ABCG4: variants seen among roughly 807,000 people sequenced by gnomAD.
ABCG4 encodes the protein ATP binding cassette subfamily G member 4, also known as ATP-binding cassette sub-family G member 4.
In ABCG4, 35 loss-of-function variants were observed where a neutral mutation model predicts 64.6. That is an observed-to-expected ratio of 0.54 (90% CI 0.41 to 0.72). The LOEUF (loss-of-function observed/expected upper bound fraction) is 0.72. Among genes scored for constraint, ABCG4 ranks in the 30% least tolerant of loss-of-function variants. The pLI is 0.00. For synonymous variants in ABCG4, 326 were observed against 348.2 expected (o/e 0.94, Z 0.71); for missense variants, 610 against 846.3 (o/e 0.72, Z 3.46).
Position 119,154,018 on chromosome 11 carries a change from C to T in ABCG4, c.239-8C>T. 1 of 1,613,218 alleles carries T rather than the reference C, an allele frequency of 6.2e-7. No individual in the cohort carries two copies. The highest frequency in any genetic ancestry group is 1.1e-5 in the South Asian group (1 of 91,048). On this transcript the variant is annotated splice_polypyrimidine_tract_variant and splice_region_variant and intron_variant, in intron 2 of 14. Coordinates refer to ENST00000619701, the MANE Select transcript of ABCG4 (RefSeq NM_022169.5). This position sits in a 1 kb window ranked among gnomAD's most constrained non-coding sequence, Gnocchi z 7.0. ...CCTGACTAAAAATTCCTCCCCACCT[C>T]ACTGCAGGTTATAAGACCCTTCTCA...
Position 119,150,435 on chromosome 11 carries a change from T to G in ABCG4, c.238+232T>G, listed in dbSNP as rs1260950738. On this transcript the variant is annotated intron_variant, in intron 2 of 14. Transcript: ENST00000619701. This position sits in a 1 kb window ranked among gnomAD's most constrained non-coding sequence, Gnocchi z 4.3. ...ACTAGGTGCAATTGGTTATTGAAGC[T>G]GTATCTTCTAAAGAGATCCCGTGAC... Among the ~76,000 whole-genome samples, 1 of 152,224 alleles carries G rather than the reference T, an allele frequency of 6.6e-6. No individual in the cohort carries two copies. Among genetic ancestry groups the G allele is most frequent in the Non-Finnish European group, 1.5e-5 (1 of 68,032 alleles).
intron 9 of ABCG4, among the ~76,000 whole-genome samples, chr11:119,157,691 C>A (rs1948283683): frequency 8.2e-6 from 1 of 121,470 alleles, no homozygotes; most frequent in Admixed American, 7.7e-5. Context: ...CACGGTGAAA[C>A]CCCATCTCTA....
rs758367938 is a variant in ABCG4 at position 119,160,861 on chromosome 11, T to G, written c.1716-20T>G. 23 of 1,609,174 alleles carry G rather than the reference T, an allele frequency of 1.4e-5. No homozygotes were observed. In the East Asian group the frequency reaches 4.9e-4, roughly 34 times the overall value. The stretch of plus-strand genomic sequence containing the variant: ...GGGACCCTGTGTGCTGTATCCCATC[T>G]GATATCCCTGCCTGCCTAGGTATGG... On this transcript the variant is annotated intron_variant, in intron 14 of 14. Transcript: ENST00000619701. This position sits in a 1 kb window ranked among gnomAD's most constrained non-coding sequence, Gnocchi z 4.6.
Position 119,156,223 on chromosome 11 carries a change from T to G in ABCG4, c.687-106T>G. On this transcript the variant is annotated intron_variant, in intron 6 of 14. Coordinates refer to ENST00000619701, the MANE Select transcript of ABCG4 (RefSeq NM_022169.5). The surrounding 1 kb of genome is among the most constrained non-coding windows in gnomAD (Gnocchi z 5.5). Reference sequence around the variant, plus strand: ...ATACAGATGCGGCCAGAGTGCCCTCTTCCTGCCAGCTTCATCCCCTTCACA... The same window carrying G: ...ATACAGATGCGGCCAGAGTGCCCTCGTCCTGCCAGCTTCATCCCCTTCACA... 4 of 1,505,412 alleles carry G rather than the reference T, an allele frequency of 2.7e-6. No homozygotes were observed. Among genetic ancestry groups the G allele is most frequent in the Non-Finnish European group, 2.7e-6 (3 of 1,098,806 alleles). 93.3% of individuals were successfully genotyped at this position (1,505,412 alleles called of 1,614,324 possible). A position where few individuals can be genotyped will look rare whatever the true frequency, so the allele number is the denominator to read the frequency against.
chr11:119,157,448 C>T (rs1357728589), intron 9 of ABCG4, among the ~76,000 whole-genome samples: 2 of 152,230 alleles, frequency 1.3e-5, no homozygotes, highest in African/African-American at 4.8e-5. Context: ...GTACAGCAGG[C>T]GTCTGCCCAG....
chr11:119,160,499 C>T lies in ABCG4; in HGVS notation c.1597-39C>T. 1 of 1,607,930 alleles carries T rather than the reference C, an allele frequency of 6.2e-7. No individual in the cohort carries two copies. On this transcript the variant is annotated intron_variant, in intron 13 of 14. Coordinates refer to ENST00000619701, the MANE Select transcript of ABCG4 (RefSeq NM_022169.5). This position sits in a 1 kb window ranked among gnomAD's most constrained non-coding sequence, Gnocchi z 4.6. ...CTAGGAAACCTGGGTTTGTCCTGGT[C>T]ACCCCTATGATGGCCTGGCCCCCTC... is the stretch of plus-strand genomic sequence containing the variant.
Position 119,156,333 on chromosome 11 carries a change from C to G in ABCG4, c.691C>G (p.Leu231Val), listed in dbSNP as rs773566111. The G allele has an allele frequency of 1.9e-6, 3 of 1,614,206 alleles. No individual in the cohort carries two copies. The highest frequency in any genetic ancestry group is 2.5e-6 in the Non-Finnish European group (3 of 1,180,044). ...TGGTGGCCTCTCTCTGGACAGTGGT[C>G]TGGATAGCGCCTCTTGTTTCCAAGT... ...VMFFDEPTSG[L>V]DSASCFQVVS... The change falls in exon 7 of 15, where the codon CTG (leucine) becomes GTG (valine). Residue 231 changes from leucine (L) to valine (V), a missense_variant. Transcript: ENST00000619701. This position sits in a 1 kb window ranked among gnomAD's most constrained non-coding sequence, Gnocchi z 5.5.
rs773931620 is a variant in ABCG4 at position 119,158,575 on chromosome 11, T to TTC, written c.1187_1188dup (p.Met397SerfsTer53). On this transcript the variant is annotated frameshift_variant, in exon 11 of 15. Coordinates refer to ENST00000619701, the MANE Select transcript of ABCG4 (RefSeq NM_022169.5). LOFTEE classifies it high-confidence loss of function. This position sits in a 1 kb window ranked among gnomAD's most constrained non-coding sequence, Gnocchi z 4.5. ...TCCCAAGGTCCTGACCCACCTACGG[T>TTC]TCATGTCCCACGTGGTTATTGGCGT... 2 of 1,614,178 alleles carry TTC rather than the reference T, an allele frequency of 1.2e-6. No homozygotes were observed. Among genetic ancestry groups the TTC allele is most frequent in the South Asian group, 2.2e-5 (2 of 91,078 alleles).
rs563451663 is a variant in ABCG4, at chr11:119,159,752, T to C, written c.1438-475T>C. Among the ~76,000 whole-genome samples the C allele has an allele frequency of 2.0e-5, 3 of 152,130 alleles. No individual in the cohort carries two copies. The East Asian group carries it at 5.8e-4, about 30-fold the overall frequency. ...CCTCAGGGTGGACACCGTCACAGGA[T>C]GCTTGGCTTAATAAGAAGAGCACAA... On this transcript the variant is annotated intron_variant, in intron 12 of 14. Coordinates refer to ENST00000619701, the MANE Select transcript of ABCG4 (RefSeq NM_022169.5).
In ABCG4 at chr11:119,158,167, T is replaced by G; in HGVS notation, c.1069-67T>G. 9 of 1,317,496 alleles carry G rather than the reference T, an allele frequency of 6.8e-6. No individual in the cohort carries two copies. Among genetic ancestry groups the G allele is most frequent in the Non-Finnish European group, 9.4e-6 (9 of 953,898 alleles). 81.6% of individuals were successfully genotyped at this position (1,317,496 alleles called of 1,614,324 possible). A position where few individuals can be genotyped will look rare whatever the true frequency, so the allele number is the denominator to read the frequency against. On this transcript the variant is annotated intron_variant, in intron 9 of 14. Transcript: ENST00000619701. This position sits in a 1 kb window ranked among gnomAD's most constrained non-coding sequence, Gnocchi z 4.5. ...AAGAGCTCTGAGGTTTTTCATTCAC[T>G]GAGCTGGGTGTTCTGTGGGTGAATG...
At position 119,156,491 on chromosome 11, in the gene ABCG4, T is replaced by C. The variant is rs1481921569; in HGVS notation, c.810+39T>C. The C allele has an allele frequency of 2.5e-6, 4 of 1,614,100 alleles. No individual in the cohort carries two copies. Among genetic ancestry groups the C allele is most frequent in the East Asian group, 2.2e-5 (1 of 44,878 alleles). ...GGCCTCAAGGAGGATTGGCCTGAGATGGAGGGATGGAAGGGGGTCAGTAGG... is the reference window on the plus strand; with the variant it reads ...GGCCTCAAGGAGGATTGGCCTGAGACGGAGGGATGGAAGGGGGTCAGTAGG... On this transcript the variant is annotated intron_variant, in intron 7 of 14. Transcript: ENST00000619701. This position sits in a 1 kb window ranked among gnomAD's most constrained non-coding sequence, Gnocchi z 5.5.
rs1353616525 is a variant in ABCG4, at chr11:119,154,435, G to T, written c.489+43G>T. 2 of 1,614,120 alleles carry T rather than the reference G, an allele frequency of 1.2e-6. No homozygotes were observed. The highest frequency in any genetic ancestry group is 1.7e-6 in the Non-Finnish European group (2 of 1,180,014). ...ACCCCTCCTCCCAGCAACCCCCTCT[G>T]TCTGCTGTCGCCACCTTCACCATTG... On this transcript the variant is annotated intron_variant, in intron 4 of 14. Transcript: ENST00000619701. This position sits in a 1 kb window ranked among gnomAD's most constrained non-coding sequence, Gnocchi z 7.0.
In ABCG4 at chr11:119,161,089, G is replaced by A; in HGVS notation, c.1924G>A (p.Val642Ile). Residue 642 changes from valine (V) to isoleucine (I), a missense_variant, in exon 15 of 15, where the codon GTC becomes ATC. Val to Ile is a conservative substitution (Grantham distance 29). Transcript: ENST00000619701. Reference sequence around the variant, plus strand: ...GGCCTACCTTGTGCTGCGTTACCGGGTCAAGTCAGAGAGATAGAGGCTTGC... The same window carrying A: ...GGCCTACCTTGTGCTGCGTTACCGGATCAAGTCAGAGAGATAGAGGCTTGC... ...LLAYLVLRYR[V>I]KSER 3 of 1,613,632 alleles carry A rather than the reference G, an allele frequency of 1.9e-6. No individual in the cohort carries two copies. The highest frequency in any genetic ancestry group is 1.1e-5 in the South Asian group (1 of 91,064).
intron 2 of ABCG4, chr11:119,153,755 C>T (rs1592303677): frequency 2.0e-5 from 9 of 441,984 alleles, no homozygotes; most frequent in South Asian, 1.1e-4. Flanking sequence ...CCCCTCTCCA[C>T]GCCCATCCAT....
At position 119,156,412 on chromosome 11, in the gene ABCG4, T is replaced by C. The variant is rs1948264496; in HGVS notation, c.770T>C (p.Ile257Thr). 2 of 1,614,116 alleles carry C rather than the reference T, an allele frequency of 1.2e-6. No homozygotes were observed. The highest frequency in any genetic ancestry group is 1.7e-6 in the Non-Finnish European group (2 of 1,180,024). ...GGGGGCCGTACCATCATCTGCACCA[T>C]CCACCAGCCCAGTGCCAAGCTCTTT... ...AQGGRTIICTIHQPSAKLFEM... is the reference protein window; with the variant it reads ...AQGGRTIICTTHQPSAKLFEM... Residue 257 changes from isoleucine (I) to threonine (T), a missense_variant, in exon 7 of 15, where the codon ATC (isoleucine) becomes ACC (threonine). Transcript: ENST00000619701. The surrounding 1 kb of genome is among the most constrained non-coding windows in gnomAD (Gnocchi z 5.5).
chr11:119,157,950 T>A (rs1257852738), intron 9 of ABCG4, among the ~76,000 whole-genome samples: 1 of 152,074 alleles, frequency 6.6e-6, no homozygotes, highest in African/African-American at 2.4e-5. Flanking sequence ...TTTTGATGGA[T>A]TAAAAAAGTA....
At position 119,149,559 on chromosome 11, in the gene ABCG4, C is replaced by T. The variant is rs1948161708; in HGVS notation, c.-13+196C>T. On this transcript the variant is annotated intron_variant, in intron 1 of 14. Transcript: ENST00000619701. This position sits in a 1 kb window ranked among gnomAD's most constrained non-coding sequence, Gnocchi z 8.3. ...AGCCGGAGGCCTGAAGCCTCCTCCT[C>T]TCCGCCTTCCCCTGGTCCGCCCTGC... The T allele has an allele frequency of 1.2e-5, 2 of 166,672 alleles. No individual in the cohort carries two copies. Among genetic ancestry groups the T allele is most frequent in the Non-Finnish European group, 2.6e-5 (2 of 77,392 alleles). 10.3% of individuals were successfully genotyped at this position (166,672 alleles called of 1,614,324 possible).
intron 2 of ABCG4, among the ~76,000 whole-genome samples, chr11:119,152,263 G>T (rs1948202207): frequency 6.6e-6 from 1 of 152,210 alleles, no homozygotes; most frequent in African/African-American, 2.4e-5. Flanking sequence ...CTGGGCCCCA[G>T]TTGCCTCACC....
rs779033027 is a variant in ABCG4 at position 119,154,959 on chromosome 11, C to T, written c.686+44C>T. The T allele has an allele frequency of 1.6e-5, 25 of 1,571,688 alleles. No individual in the cohort carries two copies. The Middle Eastern group carries it at 8.5e-4, about 53-fold the overall frequency. Reference sequence around the variant, plus strand: ...TCCCACCAGGATACCCCTCTCCTCTCGGCCCTGAGCCAGGGCTGGAGGCTG... The same window carrying T: ...TCCCACCAGGATACCCCTCTCCTCTTGGCCCTGAGCCAGGGCTGGAGGCTG... On this transcript the variant is annotated intron_variant, in intron 6 of 14. Coordinates refer to ENST00000619701, the MANE Select transcript of ABCG4 (RefSeq NM_022169.5). This position sits in a 1 kb window ranked among gnomAD's most constrained non-coding sequence, Gnocchi z 7.0.
Sources: allele counts gnomAD v4.1 joint callset (sites outside exome capture counted in the v4.1 genomes callset), GRCh38; gene constraint gnomAD v4.1.1; non-coding constraint Gnocchi (gnomAD v3.1); transcripts MANE v1.5; gene names NCBI Gene and HGNC (gene_info 2026-07-23, HGNC 2026-07-21).